Variants in NSG1 observed in about 807,000 individuals in gnomAD.
The protein encoded by NSG1 is neuronal vesicle trafficking-associated protein 1.
NSG1 carries 9 observed loss-of-function variants against 19.3 expected under a neutral mutation model. The observed-to-expected ratio is 0.47, with a 90% CI of 0.28 to 0.81. The LOEUF (loss-of-function observed/expected upper bound fraction) is 0.81. Ranked by LOEUF, NSG1 falls within the 40% of genes least tolerant of loss-of-function variation. The probability of loss-of-function intolerance (pLI) is 0.11; values close to 1 mark genes in which losing one functional copy is unlikely to be tolerated. For missense variants in NSG1, 236 were observed against 242.4 expected (o/e 0.97, Z 0.18); for synonymous variants, 104 against 107.0 (o/e 0.97, Z 0.17).
At chr4:4,398,719 T>C (rs116204851) in intron 3 of NSG1, among the ~76,000 whole-genome samples, 1,604 of 152,344 alleles carry the variant, frequency 0.011, 25 homozygotes, top group African/African-American at 0.037. Context: ...GTTTCCACAT[T>C]TGGGCTGTTG....
Position 4,417,857 on chromosome 4 carries a change from C to T in NSG1, c.*422C>T, listed in dbSNP as rs1175707555. ...GATCTCTCGCTGTGCTAAGAGCAAG[C>T]CTACTTCGCATTTCTTCCTCGGCCA... On this transcript the variant is annotated 3_prime_UTR_variant, in exon 5 of 5. Coordinates refer to ENST00000621129, the MANE Select transcript of NSG1 (RefSeq NM_014392.5). 12 of 255,422 alleles carry T rather than the reference C, an allele frequency of 4.7e-5. No homozygotes were observed. Among genetic ancestry groups the T allele is most frequent in the Admixed American group, 2.6e-4 (5 of 19,216 alleles). The allele number at this position is 255,422 out of a possible 1,614,324, so 15.8% of individuals were successfully genotyped here.
intron 4 of NSG1, among the ~76,000 whole-genome samples, chr4:4,412,303 C>A (rs1046081652): frequency 2.0e-5 from 3 of 151,690 alleles, no homozygotes; most frequent in African/African-American, 7.3e-5. Flanking sequence ...GGAGATGAAG[C>A]CCCAGTCCTG....
chr4:4,387,874 G>C (rs1722816285), intron 2 of NSG1, 116 bp downstream of exon 2: 1 of 883,456 alleles, frequency 1.1e-6, no homozygotes, highest in Non-Finnish European at 1.8e-6. Context: ...GGGCGGGCTC[G>C]GGAGGCCGGA....
intron 3 of NSG1, among the ~76,000 whole-genome samples, chr4:4,392,040 C>T (rs1445281115): frequency 6.6e-6 from 1 of 152,216 alleles, no homozygotes; most frequent in South Asian, 2.1e-4. Context: ...CCAGTACTAT[C>T]GGTATAACCC....
chr4:4,396,275 AGGG>A (rs1723245252), intron 3 of NSG1, among the ~76,000 whole-genome samples: 3 of 151,858 alleles, frequency 2.0e-5, no homozygotes, highest in Non-Finnish European at 2.9e-5. Flanking sequence ...GACTGTCATT[AGGG>A]GCCGTCATCA....
chr4:4,387,910 C>G, intron 2 of NSG1, 152 bp downstream of exon 2: 1 of 670,268 alleles, frequency 1.5e-6, no homozygotes. Flanking sequence ...ACAGTGTACC[C>G]GCGCGGGATT....
chr4:4,399,555 A>C (rs1723440127), intron 3 of NSG1, among the ~76,000 whole-genome samples: 1 of 150,886 alleles, frequency 6.6e-6, no homozygotes, highest in South Asian at 2.1e-4. Context: ...ATTTGTAAAT[A>C]TTTTCTACCA....
intron 3 of NSG1, among the ~76,000 whole-genome samples, chr4:4,392,178 G>A (rs1350824273): frequency 6.6e-6 from 1 of 151,778 alleles, no homozygotes; most frequent in Admixed American, 6.6e-5. Context: ...ATCCCAATGG[G>A]ATGAAGGGGT....
intron 3 of NSG1, among the ~76,000 whole-genome samples, chr4:4,407,406 G>A (rs1426030266): frequency 6.6e-6 from 1 of 152,118 alleles, no homozygotes; most frequent in Non-Finnish European, 1.5e-5. Flanking sequence ...AGGGCGGGCG[G>A]TGGGATGTAG....
rs567847076 is a variant in NSG1 at position 4,417,167 on chromosome 4, C to T, written c.358-68C>T. 25 of 1,382,224 alleles carry T rather than the reference C, an allele frequency of 1.8e-5. No individual in the cohort carries two copies. The East Asian group carries it at 5.5e-4, about 30-fold the overall frequency. The allele number at this position is 1,382,224 out of a possible 1,614,324, so 85.6% of individuals were successfully genotyped here. A position where few individuals can be genotyped will look rare whatever the true frequency, so the allele number is the denominator to read the frequency against. ...GAAGGTGCTCAGTAACTGTTGGCTG[C>T]CAACTGGAGACACACTGGCACCCCC... On this transcript the variant is annotated intron_variant, in intron 4 of 4. Transcript: ENST00000621129.
chr4:4,417,584 A>C lies in NSG1; in HGVS notation c.*149A>C. ...TTGCTAATGCTGCTTTGCAAATAAA[A>C]CTTGCTGCCGACCACCCACGGGCAT... On this transcript the variant is annotated 3_prime_UTR_variant, in exon 5 of 5. Transcript: ENST00000621129. The C allele has an allele frequency of 1.2e-6, 1 of 803,644 alleles. No homozygotes were observed. The highest frequency in any genetic ancestry group is 1.9e-6 in the Non-Finnish European group (1 of 516,018). 49.8% of individuals were successfully genotyped at this position (803,644 alleles called of 1,614,324 possible).
At chr4:4,411,332 C>G (rs565983135) in intron 4 of NSG1, among the ~76,000 whole-genome samples, 53 of 152,312 alleles carry the variant, frequency 3.5e-4, no homozygotes, top group African/African-American at 1.3e-3. Context: ...CAGACACACA[C>G]ATTAGCTAGG....
At chr4:4,415,737 T>G (rs1724494981) in intron 4 of NSG1, 2 of 204,374 alleles carry the variant, frequency 9.8e-6, no homozygotes, top group South Asian at 1.6e-4. Flanking sequence ...TCCACAGGTG[T>G]TGGCCGCATC....
chr4:4,391,629 C>T, intron 3 of NSG1, 38 bp downstream of exon 3: 2 of 1,410,312 alleles, frequency 1.4e-6, no homozygotes, highest in Non-Finnish European at 2.0e-6. Context: ...CTGCTTTTGC[C>T]CCCAGAAGGG....
chr4:4,401,715 G>T (rs1175287731), intron 3 of NSG1, among the ~76,000 whole-genome samples: 1 of 152,144 alleles, frequency 6.6e-6, no homozygotes, highest in Non-Finnish European at 1.5e-5. Context: ...CTGGCTGCCT[G>T]GGGATTCCAG....
At chr4:4,394,000 A>G (rs537224764) in intron 3 of NSG1, among the ~76,000 whole-genome samples, 4 of 152,198 alleles carry the variant, frequency 2.6e-5, no homozygotes, top group Non-Finnish European at 5.9e-5. Context: ...GGAGTGATCC[A>G]TGAGCTAGAC....
chr4:4,390,726 G>C (rs1197857845), intron 2 of NSG1, among the ~76,000 whole-genome samples: 1 of 152,212 alleles, frequency 6.6e-6, no homozygotes, highest in African/African-American at 2.4e-5. Flanking sequence ...CTGGCAACGG[G>C]TGTGGTGAGT....
chr4:4,388,813 G>A lies in NSG1; in HGVS notation c.129+1055G>A, dbSNP rs907679183. On this transcript the variant is annotated intron_variant, in intron 2 of 4. Coordinates refer to ENST00000621129, the MANE Select transcript of NSG1 (RefSeq NM_014392.5). ...TCCTCCCAGCTTTATTGTGTGTGTC[G>A]TCTGGGGAGGGAGGCAGGAGCCGGG... is the stretch of plus-strand genomic sequence containing the variant. Among the ~76,000 whole-genome samples, 2 of 152,190 alleles carry A rather than the reference G, an allele frequency of 1.3e-5. 1 individual carries two copies. The highest frequency in any genetic ancestry group is 4.1e-4 in the South Asian group (2 of 4,834).
At chr4:4,402,599 A>G (rs1276808725) in intron 3 of NSG1, among the ~76,000 whole-genome samples, 1 of 151,704 alleles carries the variant, frequency 6.6e-6, no homozygotes, top group East Asian at 2.0e-4. Context: ...TTTTTTAGCC[A>G]GGATGGTCTC....
Sources: allele counts gnomAD v4.1 joint callset (sites outside exome capture counted in the v4.1 genomes callset), GRCh38; gene constraint gnomAD v4.1.1; transcripts MANE v1.5; gene names NCBI Gene and HGNC (gene_info 2026-07-23, HGNC 2026-07-21).